KTN1: variants seen among roughly 807,000 people sequenced by gnomAD.
KTN1 encodes the protein kinectin.
A neutral mutation model predicts 222.5 loss-of-function variants in KTN1; 130 were observed. The observed-to-expected ratio is 0.58, with a 90% CI of 0.51 to 0.68. The LOEUF (loss-of-function observed/expected upper bound fraction) is 0.68, where lower values mean the gene tolerates loss of function less well. KTN1 is among the 30% of genes least tolerant of loss of function. KTN1 has a pLI of 0.00. For synonymous variants in KTN1, 512 were observed against 496.3 expected (o/e 1.03, Z -0.42); for missense variants, 1,508 against 1,500.4 (o/e 1.01, Z -0.08).
intron 2 of KTN1, among the ~76,000 whole-genome samples, chr14:55,616,039 G>A (rs1184006922): frequency 2.0e-5 from 3 of 152,000 alleles, no homozygotes; most frequent in African/African-American, 4.8e-5. Flanking sequence ...CAGCCCCAGA[G>A]TAGCTGGAAC....
At chr14:55,587,055 T>C (rs2140320278) in intron 1 of KTN1, among the ~76,000 whole-genome samples, 1 of 152,276 alleles carries the variant, frequency 6.6e-6, no homozygotes, top group Admixed American at 6.5e-5. Context: ...CTTATTTCTT[T>C]CTTGGTATCT....
chr14:55,622,891 C>G (rs751980753), intron 5 of KTN1, among the ~76,000 whole-genome samples: 8 of 152,216 alleles, frequency 5.3e-5, no homozygotes, highest in Non-Finnish European at 8.8e-5. Flanking sequence ...TCCTGCCTCT[C>G]TCTGCAGCCT....
At chr14:55,665,689 CTACTGAAAGAAACTCTTA>C (rs1368684187) in intron 33 of KTN1, among the ~76,000 whole-genome samples, 1 of 151,948 alleles carries the variant, frequency 6.6e-6, no homozygotes, top group Non-Finnish European at 1.5e-5. Flanking sequence ...TCTTGAGGAG[CTACTGAAAGAAACTCTTA>C]TACATTTCAC....
chr14:55,586,370 A>G (rs1480071938), intron 1 of KTN1, among the ~76,000 whole-genome samples: 2 of 152,178 alleles, frequency 1.3e-5, no homozygotes, highest in Admixed American at 1.3e-4. Context: ...AGTGATAGCT[A>G]ACATTGGAGT....
chr14:55,669,421 AT>A (rs1459434417), intron 34 of KTN1, among the ~76,000 whole-genome samples: 1 of 152,072 alleles, frequency 6.6e-6, no homozygotes, highest in Non-Finnish European at 1.5e-5. Flanking sequence ...AGAGTCTGGC[AT>A]TTTAGGTTTG....
At chr14:55,614,811 A>C (rs1453644841) in intron 2 of KTN1, among the ~76,000 whole-genome samples, 1 of 152,182 alleles carries the variant, frequency 6.6e-6, no homozygotes, top group Admixed American at 6.5e-5. Context: ...AAGTTTGCCA[A>C]CTTGTGCTTG....
intron 7 of KTN1, 75 bp downstream of exon 7, chr14:55,630,172 T>C (rs2040356100): frequency 3.1e-6 from 4 of 1,293,986 alleles, no homozygotes; most frequent in Admixed American, 1.8e-5. Context: ...GTGGCTAGTA[T>C]GTACAAGGCC....
chr14:55,657,202 A>T (rs1419915680), intron 29 of KTN1, among the ~76,000 whole-genome samples: 1 of 152,224 alleles, frequency 6.6e-6, no homozygotes, highest in Non-Finnish European at 1.5e-5. Context: ...CACTCTCACC[A>T]ACTAAGGGCC....
chr14:55,672,683 A>C lies in KTN1; in HGVS notation c.3585A>C (p.Glu1195Asp). Residue 1195 changes from glutamate (E) to aspartate (D), a missense_variant, in exon 38 of 44, where the codon GAA (glutamate) becomes GAC (aspartate). Coordinates refer to ENST00000395314, the MANE Select transcript of KTN1 (RefSeq NM_001079521.2). Reference protein sequence around the residue: ...SEQELERLRSENKDIENLRRE... With the variant: ...SEQELERLRSDNKDIENLRRE... ...AAGAGCTAGAGCGATTAAGAAGCGA[A>C]AATAAGGATATTGAAAATGTATGTT... is the stretch of plus-strand genomic sequence containing the variant. 6.3e-7 allele frequency: 1 copy of C among 1,595,402 alleles called. No homozygotes were observed. Among genetic ancestry groups the C allele is most frequent in the Non-Finnish European group, 8.6e-7 (1 of 1,163,516 alleles).
At chr14:55,642,201 A>G (rs559515546) in intron 18 of KTN1, among the ~76,000 whole-genome samples, 2 of 152,278 alleles carry the variant, frequency 1.3e-5, no homozygotes, top group African/African-American at 4.8e-5. Flanking sequence ...CATGGAGATT[A>G]TATTATATTT....
chr14:55,589,344 G>A (rs2033653304), intron 1 of KTN1, among the ~76,000 whole-genome samples: 1 of 152,086 alleles, frequency 6.6e-6, no homozygotes, highest in Admixed American at 6.6e-5. Context: ...TGTCACCCAG[G>A]CTGGAGTGCA....
chr14:55,679,814 G>A, intron 43 of KTN1, 129 bp downstream of exon 43: 1 of 990,540 alleles, frequency 1.0e-6, no homozygotes, highest in Non-Finnish European at 1.5e-6. Flanking sequence ...ACTTCCAGAT[G>A]ACAGCCTTAA....
At chr14:55,631,639 C>T (rs541330078) in intron 7 of KTN1, among the ~76,000 whole-genome samples, 6 of 151,794 alleles carry the variant, frequency 4.0e-5, no homozygotes, top group Non-Finnish European at 8.8e-5. Flanking sequence ...AAAAGTTTGC[C>T]AGGCATGGTG....
At chr14:55,617,784 G>A (rs1214981644) in intron 3 of KTN1, among the ~76,000 whole-genome samples, 180 bp from the exon 4 acceptor site, 2 of 152,120 alleles carry the variant, frequency 1.3e-5, no homozygotes, top group African/African-American at 4.8e-5. Flanking sequence ...TGTTGAGCTG[G>A]TACGGCTTCA....
At chr14:55,667,113 T>TG in intron 33 of KTN1, 128 bp from the exon 34 acceptor site, 3 of 593,126 alleles carry the variant, frequency 5.1e-6, no homozygotes, top group South Asian at 4.3e-5. Context: ...TAATATTTGT[T>TG]AGTATTAAAA....
chr14:55,613,364 T>TA (rs2037877184), intron 2 of KTN1, among the ~76,000 whole-genome samples: 1 of 152,086 alleles, frequency 6.6e-6, no homozygotes, highest in Admixed American at 6.5e-5. Context: ...GGTTGATAGG[T>TA]ACAATGGAAA....
chr14:55,595,921 G>A (rs573615721), intron 1 of KTN1, among the ~76,000 whole-genome samples: 3 of 152,164 alleles, frequency 2.0e-5, no homozygotes, highest in Non-Finnish European at 4.4e-5. Context: ...TTGGGAGGCC[G>A]AGGTGGGCGG....
rs754589095 is a variant in KTN1, at chr14:55,670,823, A to G, written c.3348+14A>G. 1 of 1,522,314 alleles carries G rather than the reference A, an allele frequency of 6.6e-7. No individual in the cohort carries two copies. Among genetic ancestry groups the G allele is most frequent in the Non-Finnish European group, 9.0e-7 (1 of 1,106,082 alleles). The allele number at this position is 1,522,314 out of a possible 1,614,324, so 94.3% of individuals were successfully genotyped here. On this transcript the variant is annotated intron_variant, in intron 35 of 43. Transcript: ENST00000395314. ...GAGGAGGTTAAGGTTAGTTCAGCAA[A>G]TGAACTGTTTGTAATTTAAACATAG...
chr14:55,626,776 T>C (rs1463299333), intron 5 of KTN1, among the ~76,000 whole-genome samples: 2 of 152,198 alleles, frequency 1.3e-5, no homozygotes, highest in Non-Finnish European at 2.9e-5. Flanking sequence ...GCTTAGGGTC[T>C]CCCTGTAGAG....
Sources: gnomAD v4.1 joint callset for allele counts (sites outside exome capture counted in the v4.1 genomes callset) on GRCh38, gnomAD v4.1.1 for gene constraint, MANE v1.5 for transcripts, NCBI Gene and HGNC (gene_info 2026-07-23, HGNC 2026-07-21) for gene names.